The following SLC35F1 variants were observed in gnomAD, a reference collection of about 807,000 sequenced individuals.
SLC35F1 encodes the protein solute carrier family 35 member F1, also known as chromosome 6 open reading frame 169.
Under a neutral mutation model 48.7 loss-of-function variants are expected in SLC35F1, and 14 were observed. The ratio of observed to expected loss-of-function variants is 0.29; its 90% CI spans 0.19 to 0.45. SLC35F1 has a LOEUF of 0.45. Ranked by LOEUF, SLC35F1 falls within the 20% of genes least tolerant of loss-of-function variation. The pLI, the probability that SLC35F1 is intolerant of heterozygous loss-of-function variation, is 1.00. For missense variants in SLC35F1, 404 were observed against 500.0 expected (o/e 0.81, Z 1.83); for synonymous variants, 190 against 202.2 (o/e 0.94, Z 0.51).
intron 1 of SLC35F1, among the ~76,000 whole-genome samples, chr6:118,100,345 A>C (rs1773239024): frequency 6.6e-6 from 1 of 152,098 alleles, no homozygotes; most frequent in Non-Finnish European, 1.5e-5. Context: ...TTAAAGGCCC[A>C]GTCTCCAAGA....
At chr6:118,042,891 C>T (rs1410977086) in intron 1 of SLC35F1, among the ~76,000 whole-genome samples, 2 of 152,002 alleles carry the variant, frequency 1.3e-5, no homozygotes, top group Non-Finnish European at 2.9e-5. Context: ...TTCCCATTAA[C>T]TAAAATAGAA....
rs77907311 is a variant in SLC35F1, at chr6:118,043,739, C to T, written c.174-110706C>T. Reference sequence around the variant, plus strand: ...CTACAAGTACTTTAAATGTATTGTACGCTTATGCACTTTTAGAAAATTTAC... The same window carrying T: ...CTACAAGTACTTTAAATGTATTGTATGCTTATGCACTTTTAGAAAATTTAC... On this transcript the variant is annotated intron_variant, in intron 1 of 7. Transcript: ENST00000360388. Among the ~76,000 whole-genome samples, 1,037 of 152,304 alleles carry T rather than the reference C, an allele frequency of 6.8e-3. 13 individuals carry two copies. Among genetic ancestry groups the T allele is most frequent in the African/African-American group, 0.024 (996 of 41,556 alleles).
At chr6:118,175,067 G>A (rs190763575) in intron 2 of SLC35F1, among the ~76,000 whole-genome samples, 3 of 152,158 alleles carry the variant, frequency 2.0e-5, no homozygotes, top group Admixed American at 1.3e-4. Flanking sequence ...GTACTTCATC[G>A]CATTTGTTAT....
chr6:117,930,722 A>G (rs554640062), intron 1 of SLC35F1, among the ~76,000 whole-genome samples: 12 of 152,080 alleles, frequency 7.9e-5, no homozygotes, highest in African/African-American at 1.2e-4. Context: ...GACTATGGCT[A>G]TTGGCGGGCA....
intron 7 of SLC35F1, among the ~76,000 whole-genome samples, chr6:118,313,203 C>T (rs950580347): frequency 6.6e-6 from 1 of 152,152 alleles, no homozygotes; most frequent in Admixed American, 6.5e-5. Flanking sequence ...CCAGAAATGG[C>T]AATACTCATA....
chr6:118,068,972 TATA>T (rs1487806682), intron 1 of SLC35F1, among the ~76,000 whole-genome samples: 1 of 152,088 alleles, frequency 6.6e-6, no homozygotes, highest in Admixed American at 6.6e-5. Flanking sequence ...ACCACAGAAA[TATA>T]ATATGTGCCA....
chr6:118,077,673 G>A (rs529962598), intron 1 of SLC35F1, among the ~76,000 whole-genome samples: 12 of 152,256 alleles, frequency 7.9e-5, no homozygotes, highest in South Asian at 6.2e-4. Context: ...ATTTACAGTC[G>A]TTTTATTTAG....
intron 2 of SLC35F1, among the ~76,000 whole-genome samples, chr6:118,154,842 G>A (rs369676363): frequency 6.6e-6 from 1 of 152,248 alleles, no homozygotes; most frequent in East Asian, 1.9e-4. Flanking sequence ...TGCATGTATA[G>A]GCAAAACTGT....
intron 1 of SLC35F1, among the ~76,000 whole-genome samples, chr6:118,091,588 G>C (rs1283128395): frequency 6.6e-6 from 1 of 152,050 alleles, no homozygotes; most frequent in Non-Finnish European, 1.5e-5. Flanking sequence ...CCCAGTCTTG[G>C]GTATGTCTTT....
chr6:118,069,257 C>G (rs1337323323), intron 1 of SLC35F1, among the ~76,000 whole-genome samples: 1 of 152,034 alleles, frequency 6.6e-6, no homozygotes, highest in Non-Finnish European at 1.5e-5. Flanking sequence ...TGACAATTTC[C>G]TCATCATATG....
At chr6:118,306,087 C>T (rs778295235) in intron 7 of SLC35F1, among the ~76,000 whole-genome samples, 1 of 152,144 alleles carries the variant, frequency 6.6e-6, no homozygotes, top group Non-Finnish European at 1.5e-5. Flanking sequence ...AGTCCAGTTT[C>T]CCCTCGGTAA....
intron 3 of SLC35F1, among the ~76,000 whole-genome samples, chr6:118,238,593 C>T (rs1245130144): frequency 1.3e-5 from 2 of 152,034 alleles, no homozygotes; most frequent in Non-Finnish European, 2.9e-5. Context: ...CCTCTACTGT[C>T]CCTTCTGCTA....
At chr6:118,275,367 T>G in intron 4 of SLC35F1, 92 bp from the exon 5 acceptor site, 1 of 1,324,048 alleles carries the variant, frequency 7.6e-7, no homozygotes, top group Non-Finnish European at 1.0e-6. Context: ...CAAAATAGAA[T>G]AGGCAAGGGA....
At position 117,921,876 on chromosome 6, in the gene SLC35F1, T is replaced by G. The variant is rs114768620; in HGVS notation, c.173+13977T>G. ...CAATCGTCAAAGAAAATAGTGATTA[T>G]GAAAAAATGTAAATGGGAATGTAGG... On this transcript the variant is annotated intron_variant, in intron 1 of 7. Transcript: ENST00000360388. Among the ~76,000 whole-genome samples the G allele has an allele frequency of 9.0e-3, 1,373 of 152,284 alleles. 21 individuals are homozygous for G. The highest frequency in any genetic ancestry group is 0.031 in the African/African-American group (1,307 of 41,550).
intron 1 of SLC35F1, among the ~76,000 whole-genome samples, chr6:118,062,835 A>G (rs1368994844): frequency 1.3e-5 from 2 of 152,240 alleles, no homozygotes; most frequent in African/African-American, 4.8e-5. Flanking sequence ...TGAAAAACCA[A>G]CTCCTAAAGT....
intron 2 of SLC35F1, among the ~76,000 whole-genome samples, chr6:118,173,385 T>TAAAAAAAAAAAAA (rs571653145): frequency 7.7e-6 from 1 of 129,306 alleles, no homozygotes; most frequent in African/African-American, 3.3e-5. Context: ...AAGAGTTAGT[T>TAAAAAAAAAAAAA]AAAAAAAAAA....
chr6:117,988,166 A>G (rs1206251641), intron 1 of SLC35F1, among the ~76,000 whole-genome samples: 4 of 152,196 alleles, frequency 2.6e-5, no homozygotes, highest in Admixed American at 2.6e-4. Context: ...CCCAGCAAAG[A>G]GCAGGGTACA....
chr6:118,022,286 C>G (rs1042816799), intron 1 of SLC35F1, among the ~76,000 whole-genome samples: 4 of 152,076 alleles, frequency 2.6e-5, no homozygotes. Context: ...GGTAGCAAAC[C>G]AAGAGTAATT....
chr6:118,017,814 A>G (rs73768145), intron 1 of SLC35F1, among the ~76,000 whole-genome samples: 3,907 of 152,280 alleles, frequency 0.026, 175 homozygotes, highest in African/African-American at 0.09. Context: ...GCAAGTTGAT[A>G]TAAGATCAAA....
Sources: gnomAD v4.1 joint callset for allele counts (sites outside exome capture counted in the v4.1 genomes callset) on GRCh38, gnomAD v4.1.1 for gene constraint, MANE v1.5 for transcripts, NCBI Gene and HGNC (gene_info 2026-07-23, HGNC 2026-07-21) for gene names.